The following FILIP1L variants were observed in gnomAD, a reference collection of about 807,000 sequenced individuals.
FILIP1L encodes the protein filamin A-interacting protein 1-like.
FILIP1L carries 55 observed loss-of-function variants against 96.6 expected under a neutral mutation model. The observed-to-expected ratio is 0.57, with a 90% CI of 0.46 to 0.71. FILIP1L has a LOEUF of 0.71. Among genes scored for constraint, FILIP1L ranks in the 30% least tolerant of loss-of-function variants. The probability of loss-of-function intolerance (pLI) is 0.00; values close to 1 mark genes in which losing one functional copy is unlikely to be tolerated. For synonymous variants in FILIP1L, 467 were observed against 473.9 expected (o/e 0.99, Z 0.19); for missense variants, 1,304 against 1,321.2 (o/e 0.99, Z 0.20).
intron 1 of FILIP1L, among the ~76,000 whole-genome samples, chr3:100,097,816 A>G (rs997832891): frequency 6.6e-6 from 1 of 152,226 alleles, no homozygotes; most frequent in East Asian, 1.9e-4. Flanking sequence ...CTCCATTTCA[A>G]CAAAATACTC....
At chr3:99,939,676 T>G (rs1019857161) in intron 1 of FILIP1L, among the ~76,000 whole-genome samples, 1 of 152,172 alleles carries the variant, frequency 6.6e-6, no homozygotes, top group African/African-American at 2.4e-5. Flanking sequence ...AAAAATTTGA[T>G]AGTAGGTGTT....
rs1942618742 is a variant in FILIP1L, at chr3:99,829,944, G to T, written c.*470C>A. ...AGAAATCATAGTTTTAGACCTTAAAGTGTGATTTTAATTGTCCTGTCATCT... is the reference window on the plus strand; with the variant it reads ...AGAAATCATAGTTTTAGACCTTAAATTGTGATTTTAATTGTCCTGTCATCT... On this transcript the variant is annotated 3_prime_UTR_variant, in exon 6 of 6. Transcript: ENST00000477258. Among the ~76,000 whole-genome samples, 1 of 152,164 alleles carries T rather than the reference G, an allele frequency of 6.6e-6. No individual in the cohort carries two copies. Among genetic ancestry groups the T allele is most frequent in the Non-Finnish European group, 1.5e-5 (1 of 68,032 alleles).
At chr3:99,964,089 G>A (rs1708573877) in intron 1 of FILIP1L, among the ~76,000 whole-genome samples, 1 of 152,012 alleles carries the variant, frequency 6.6e-6, no homozygotes, top group South Asian at 2.1e-4. Flanking sequence ...AATAAAAACA[G>A]AGGGCATAGA....
chr3:100,099,843 C>T (rs1454081253), intron 1 of FILIP1L, among the ~76,000 whole-genome samples: 3 of 152,112 alleles, frequency 2.0e-5, no homozygotes, highest in Non-Finnish European at 4.4e-5. Flanking sequence ...CATAAGTATG[C>T]AGCGGTAGAA....
chr3:100,083,024 G>A (rs904765667), intron 1 of FILIP1L, among the ~76,000 whole-genome samples: 3 of 152,124 alleles, frequency 2.0e-5, no homozygotes, highest in African/African-American at 7.2e-5. Flanking sequence ...TTTGGGATGT[G>A]TATATTCTAC....
At chr3:99,886,816 A>G (rs917292640) in intron 4 of FILIP1L, among the ~76,000 whole-genome samples, 1 of 151,938 alleles carries the variant, frequency 6.6e-6, no homozygotes, top group African/African-American at 2.4e-5. Flanking sequence ...CCAAAAATAC[A>G]AAAATTAGCC....
intron 1 of FILIP1L, among the ~76,000 whole-genome samples, chr3:100,055,322 C>A (rs1300478396): frequency 1.3e-5 from 2 of 152,070 alleles, no homozygotes; most frequent in Non-Finnish European, 2.9e-5. Context: ...TTCTGTTATC[C>A]CCAACATCAC....
chr3:100,055,377 T>C (rs2107328517), intron 1 of FILIP1L, among the ~76,000 whole-genome samples: 2 of 152,318 alleles, frequency 1.3e-5, no homozygotes, highest in South Asian at 4.1e-4. Context: ...AAGGTGACTG[T>C]ATGATCCACG....
At chr3:99,912,937 T>C (rs922645489) in intron 4 of FILIP1L, among the ~76,000 whole-genome samples, 14 of 152,206 alleles carry the variant, frequency 9.2e-5, no homozygotes, top group Admixed American at 2.0e-4. Flanking sequence ...AACTCTTATG[T>C]TGAAATCATA....
chr3:99,976,713 T>C (rs568104478), intron 1 of FILIP1L, among the ~76,000 whole-genome samples: 1 of 152,346 alleles, frequency 6.6e-6, no homozygotes, highest in South Asian at 2.1e-4. Flanking sequence ...TGATAGGATT[T>C]TATTATCTTA....
At chr3:99,897,625 G>A (rs879373103) in intron 4 of FILIP1L, among the ~76,000 whole-genome samples, 1 of 152,160 alleles carries the variant, frequency 6.6e-6, no homozygotes, top group Non-Finnish European at 1.5e-5. Context: ...TCGTGTATTT[G>A]AGGAGAAATC....
chr3:99,909,832 G>A (rs1430475643), intron 4 of FILIP1L, among the ~76,000 whole-genome samples: 1 of 152,104 alleles, frequency 6.6e-6, no homozygotes, highest in Non-Finnish European at 1.5e-5. Context: ...AAATTGCATG[G>A]AGAGTAGGTG....
At chr3:100,014,891 C>CTT (rs1710284139) in intron 1 of FILIP1L, among the ~76,000 whole-genome samples, 6 of 27,228 alleles carry the variant, frequency 2.2e-4, no homozygotes, top group African/African-American at 4.5e-4. Context: ...TTTTTTCTTT[C>CTT]TTTCTTTTTT....
intron 4 of FILIP1L, among the ~76,000 whole-genome samples, chr3:99,861,897 T>C (rs554619596): frequency 2.6e-5 from 4 of 152,296 alleles, no homozygotes; most frequent in African/African-American, 9.6e-5. Context: ...TTAACCTCCC[T>C]ACAAGTCTCA....
At chr3:99,961,221 G>A (rs112481712) in intron 1 of FILIP1L, among the ~76,000 whole-genome samples, 1 of 152,156 alleles carries the variant, frequency 6.6e-6, no homozygotes, top group African/African-American at 2.4e-5. Context: ...ATGCCCGAGG[G>A]GATCCGGACT....
intron 1 of FILIP1L, among the ~76,000 whole-genome samples, chr3:99,987,971 G>C (rs936753989): frequency 4.6e-5 from 7 of 152,188 alleles, no homozygotes; most frequent in African/African-American, 1.7e-4. Context: ...CCATCATTCT[G>C]TTTCTTAAGA....
At chr3:99,973,006 G>C (rs761211468) in intron 1 of FILIP1L, among the ~76,000 whole-genome samples, 2 of 152,066 alleles carry the variant, frequency 1.3e-5, no homozygotes, top group African/African-American at 4.8e-5. Flanking sequence ...AGAGAATTTG[G>C]GACAGAAACC....
chr3:100,073,059 G>GT lies in FILIP1L; in HGVS notation c.-11+40993dup, dbSNP rs570748011. 2.2e-4 allele frequency among the ~76,000 whole-genome samples: 34 copies of GT among 152,190 alleles called. No homozygotes were observed. In the South Asian group the frequency reaches 7.0e-3, roughly 32 times the overall value. On this transcript the variant is annotated intron_variant, in intron 1 of 5. Coordinates refer to ENST00000477258, the MANE Select transcript of FILIP1L (RefSeq NM_001387850.1). ...GAGGCAAAGCATAATTAGTTTATGT[G>GT]TATGTTCATAATAAAATGGAAACCA...
At chr3:99,901,153 A>G (rs1255259056) in intron 4 of FILIP1L, among the ~76,000 whole-genome samples, 1 of 152,192 alleles carries the variant, frequency 6.6e-6, no homozygotes, top group Admixed American at 6.5e-5. Context: ...GTATTGCTTT[A>G]AGGATTGGGT....
Sources: allele counts gnomAD v4.1 joint callset (sites outside exome capture counted in the v4.1 genomes callset), GRCh38; gene constraint gnomAD v4.1.1; transcripts MANE v1.5; gene names NCBI Gene and HGNC (gene_info 2026-07-23, HGNC 2026-07-21).